CPEB1: variants seen among roughly 807,000 people sequenced by gnomAD.
CPEB1 encodes the protein cytoplasmic polyadenylation element binding protein 1, also known as cytoplasmic polyadenylation element-binding protein 1.
CPEB1 carries 7 observed loss-of-function variants against 65.8 expected under a neutral mutation model. That is an observed-to-expected ratio of 0.11 (90% CI 0.06 to 0.20). The LOEUF (loss-of-function observed/expected upper bound fraction) is 0.20. Among genes scored for constraint, CPEB1 ranks in the 10% least tolerant of loss-of-function variants. The probability of loss-of-function intolerance (pLI) is 1.00; values close to 1 mark genes in which losing one functional copy is unlikely to be tolerated. For missense variants in CPEB1, 551 were observed against 712.2 expected (o/e 0.77, Z 2.58); for synonymous variants, 262 against 260.0 (o/e 1.01, Z -0.08).
chr15:82,557,333 A>C (rs2150976719), intron 5 of CPEB1, among the ~76,000 whole-genome samples: 1 of 152,328 alleles, frequency 6.6e-6, no homozygotes, highest in East Asian at 1.9e-4. Flanking sequence ...TATCTCTGCT[A>C]ATTACTACTT....
intron 3 of CPEB1, among the ~76,000 whole-genome samples, chr15:82,605,287 GAAGT>G (rs1272188716): frequency 5.3e-5 from 8 of 152,150 alleles, no homozygotes; most frequent in East Asian, 1.9e-4. Context: ...TAATCCACAT[GAAGT>G]AATAAAGAAG....
chr15:82,545,900 T>C (rs1224597794), intron 12 of CPEB1, among the ~76,000 whole-genome samples: 2 of 152,166 alleles, frequency 1.3e-5, no homozygotes, highest in East Asian at 1.9e-4. Flanking sequence ...CTCTCAGCAA[T>C]AGTGGCATAC....
At chr15:82,613,007 C>G (rs117307189) in intron 3 of CPEB1, among the ~76,000 whole-genome samples, 2,003 of 151,944 alleles carry the variant, frequency 0.013, 20 homozygotes, top group Non-Finnish European at 0.019. Flanking sequence ...ATAAATTTCA[C>G]ACAAGCTCTT....
chr15:82,612,853 CAAACAAACAAACA>C (rs1440528599), intron 3 of CPEB1, among the ~76,000 whole-genome samples: 2 of 151,444 alleles, frequency 1.3e-5, no homozygotes, highest in Non-Finnish European at 2.9e-5. Flanking sequence ...AACAAACAAA[CAAACAAACAAACA>C]AAACAAACAA....
rs34214467 is a variant in CPEB1 at position 82,643,657 on chromosome 15, GAA to G, written c.-98+3478_-98+3479del. On this transcript the variant is annotated intron_variant, in intron 1 of 12. Transcript: ENST00000684509. ...AAAAATCCTTGAAAATGAAATATAG[GAA>G]AAAAAAAATGTACATACCCCTTTAC... Among the ~76,000 whole-genome samples the G allele has an allele frequency of 2.0e-3, 303 of 149,504 alleles. 2 individuals carry two copies. Among genetic ancestry groups the G allele is most frequent in the Admixed American group, 4.2e-3 (63 of 15,008 alleles).
At chr15:82,608,412 G>C (rs922026619) in intron 3 of CPEB1, among the ~76,000 whole-genome samples, 1 of 152,174 alleles carries the variant, frequency 6.6e-6, no homozygotes, top group African/African-American at 2.4e-5. Context: ...AATTCGTTGA[G>C]GATGGGGCTT....
At chr15:82,632,507 T>TCACA (rs141189332) in intron 1 of CPEB1, among the ~76,000 whole-genome samples, 9 of 150,586 alleles carry the variant, frequency 6.0e-5, no homozygotes, top group South Asian at 2.1e-4. Flanking sequence ...CTGTGTATAT[T>TCACA]CACACACACA....
At chr15:82,562,766 T>C (rs1030677884) in intron 4 of CPEB1, among the ~76,000 whole-genome samples, 1 of 151,854 alleles carries the variant, frequency 6.6e-6, no homozygotes, top group African/African-American at 2.4e-5. Context: ...GCCTAAGAGG[T>C]TGAGGCTGCA....
chr15:82,565,797 T>G (rs573076582), intron 4 of CPEB1, among the ~76,000 whole-genome samples: 22 of 152,362 alleles, frequency 1.4e-4, no homozygotes, highest in Middle Eastern at 3.4e-3. Flanking sequence ...GTTTACCAAG[T>G]GCCTCCAGCT....
At position 82,563,726 on chromosome 15, in the gene CPEB1, G is replaced by A. The variant is rs778495779; in HGVS notation, c.461-5740C>T. The stretch of plus-strand genomic sequence containing the variant: ...ATGTGCAAATGATAAAGCAAATGGG[G>A]TAAAATGAACACGAACAATAGGAGG... On this transcript the variant is annotated intron_variant, in intron 4 of 12. Transcript: ENST00000684509. Among the ~76,000 whole-genome samples, 74 of 152,106 alleles carry A rather than the reference G, an allele frequency of 4.9e-4. 1 individual carries two copies. The Middle Eastern group carries it at 0.02, about 42-fold the overall frequency.
At chr15:82,619,815 T>G (rs898060631) in intron 3 of CPEB1, among the ~76,000 whole-genome samples, 14 of 152,106 alleles carry the variant, frequency 9.2e-5, no homozygotes, top group African/African-American at 3.4e-4. Context: ...CAAACCATCG[T>G]ACACCACTGG....
intron 3 of CPEB1, among the ~76,000 whole-genome samples, chr15:82,612,726 C>A (rs1176904161): frequency 6.7e-6 from 1 of 148,274 alleles, no homozygotes; most frequent in African/African-American, 2.5e-5. Context: ...CCCAGCTACT[C>A]AGGAGGCTGA....
intron 4 of CPEB1, among the ~76,000 whole-genome samples, chr15:82,559,114 C>T (rs935612135): frequency 6.6e-6 from 1 of 152,162 alleles, no homozygotes; most frequent in Admixed American, 6.5e-5. Flanking sequence ...AGCTGGTTTC[C>T]TCCCAGGCCT....
rs150172869 is a variant in CPEB1, at chr15:82,560,278, G to A, written c.461-2292C>T. On this transcript the variant is annotated intron_variant, in intron 4 of 12. Transcript: ENST00000684509. ...TCTTAAAAGTGGTACCAATGCCCTGGAGGGCCTCATCCTTTTCCACATTTC... is the reference window on the plus strand; with the variant it reads ...TCTTAAAAGTGGTACCAATGCCCTGAAGGGCCTCATCCTTTTCCACATTTC... Among the ~76,000 whole-genome samples, 654 of 152,318 alleles carry A rather than the reference G, an allele frequency of 4.3e-3. 3 individuals carry two copies. The highest frequency in any genetic ancestry group is 7.6e-3 in the Non-Finnish European group (519 of 68,034).
intron 6 of CPEB1, among the ~76,000 whole-genome samples, chr15:82,554,630 G>A (rs943984510): frequency 6.6e-6 from 1 of 152,170 alleles, no homozygotes; most frequent in Non-Finnish European, 1.5e-5. Flanking sequence ...CTTCAATCCT[G>A]TCCCCACTGT....
intron 3 of CPEB1, among the ~76,000 whole-genome samples, chr15:82,603,872 G>C (rs1280078872): frequency 1.3e-5 from 2 of 152,146 alleles, no homozygotes; most frequent in Non-Finnish European, 2.9e-5. Flanking sequence ...CGGATAACCC[G>C]ATTTCCAGAC....
intron 3 of CPEB1, among the ~76,000 whole-genome samples, chr15:82,606,801 G>C (rs71412261): frequency 7.8e-6 from 1 of 127,596 alleles, no homozygotes; most frequent in African/African-American, 3.3e-5. Flanking sequence ...CTGGGCGACA[G>C]AGCGAGACTC....
chr15:82,557,728 C>T, intron 5 of CPEB1, 32 bp downstream of exon 5: 1 of 1,594,648 alleles, frequency 6.3e-7, no homozygotes. Flanking sequence ...CAACTCCACC[C>T]ACAACTCCCC....
intron 3 of CPEB1, among the ~76,000 whole-genome samples, chr15:82,626,726 T>C (rs1343169167): frequency 6.6e-6 from 1 of 152,176 alleles, no homozygotes; most frequent in East Asian, 1.9e-4. Context: ...ACCTGAAATG[T>C]CCATGTTGAG....
Sources: allele counts gnomAD v4.1 joint callset (sites outside exome capture counted in the v4.1 genomes callset), GRCh38; gene constraint gnomAD v4.1.1; transcripts MANE v1.5; gene names NCBI Gene and HGNC (gene_info 2026-07-23, HGNC 2026-07-21).